TEAD4: variants seen among roughly 807,000 people sequenced by gnomAD.
TEAD4 encodes transcriptional enhancer factor TEF-3.
In TEAD4, 36 loss-of-function variants were observed where a neutral mutation model predicts 52.4. The observed-to-expected ratio is 0.69, with a 90% confidence interval of 0.53 to 0.91. TEAD4 has a LOEUF of 0.91. TEAD4 is among the 40% of genes least tolerant of loss of function. The pLI is 0.00. For synonymous variants in TEAD4, 220 were observed against 231.0 expected, an observed-to-expected ratio of 0.95 and a Z score of 0.43; for missense variants, 508 against 583.9, an observed-to-expected ratio of 0.87 and a Z score of 1.34.
Position 2,970,272 on chromosome 12 carries a change from C to T in TEAD4, c.-30+10232C>T, listed in dbSNP as rs949037602. Among the ~76,000 whole-genome samples the T allele has an allele frequency of 2.0e-5, 3 of 152,218 alleles. No homozygotes were observed. In the South Asian group the frequency reaches 6.2e-4, roughly 31 times the overall value. On this transcript the variant is annotated intron_variant, in intron 2 of 12. Transcript: ENST00000359864. ...TTGGACTAACAACGTTTCTTGTGTT[C>T]AGTAACCACGTGGGGCGAGTGGTCG...
chr12:3,028,692 G>A (rs551106522), intron 10 of TEAD4, among the ~76,000 whole-genome samples: 13 of 152,000 alleles, frequency 8.6e-5, no homozygotes, highest in African/African-American at 3.1e-4. Context: ...GTACAGCGGC[G>A]TAATTTTGGC....
chr12:3,005,041 A>C (rs1335340416), intron 3 of TEAD4, among the ~76,000 whole-genome samples: 1 of 152,268 alleles, frequency 6.6e-6, no homozygotes, highest in Non-Finnish European at 1.5e-5. Flanking sequence ...GAAGCTCCAC[A>C]GACAGCCAGG....
chr12:3,017,480 G>GT lies in TEAD4; in HGVS notation c.438dup (p.Ser147Ter), dbSNP rs781639455. On this transcript the variant is annotated frameshift_variant, in exon 6 of 13. Coordinates refer to ENST00000359864, the MANE Select transcript of TEAD4 (RefSeq NM_003213.4). LOFTEE classifies it high-confidence loss of function. Reference sequence around the variant, plus strand: ...ATCATCTCCGCCACGGCCTTCCACAGTAGCATGGCCCTCGCCCGGGGCCCC... The same window carrying GT: ...ATCATCTCCGCCACGGCCTTCCACAGTTAGCATGGCCCTCGCCCGGGGCCCC... 6.2e-7 allele frequency: 1 copy of GT among 1,614,160 alleles called. No homozygotes were observed.
chr12:2,983,033 C>G (rs749655100), intron 2 of TEAD4, among the ~76,000 whole-genome samples: 1 of 152,136 alleles, frequency 6.6e-6, no homozygotes, highest in Non-Finnish European at 1.5e-5. Context: ...TGGCGGCCCT[C>G]CTTTCCGTCT....
intron 2 of TEAD4, among the ~76,000 whole-genome samples, chr12:2,984,985 C>T (rs978224032): frequency 6.6e-6 from 1 of 152,136 alleles, no homozygotes; most frequent in Non-Finnish European, 1.5e-5. Flanking sequence ...AAAACAGATA[C>T]TTAGGCTACG....
intron 10 of TEAD4, among the ~76,000 whole-genome samples, chr12:3,029,281 A>G (rs1048866605): frequency 8.0e-6 from 1 of 124,602 alleles, no homozygotes; most frequent in Admixed American, 1.1e-4. Flanking sequence ...TCTGTCACCC[A>G]GGCCGGAGTG....
intron 6 of TEAD4, among the ~76,000 whole-genome samples, chr12:3,018,281 G>A (rs550851827): frequency 6.6e-6 from 1 of 152,230 alleles, no homozygotes. Context: ...TCTGCACTGT[G>A]ACTCTGCAGG....
chr12:3,016,015 T>C lies in TEAD4; in HGVS notation c.355-1383T>C, dbSNP rs61433544. On this transcript the variant is annotated intron_variant, in intron 5 of 12. Coordinates refer to ENST00000359864, the MANE Select transcript of TEAD4 (RefSeq NM_003213.4). ...AATGAGATGCTGTCTGAAAAAATAATAATCATCATAAAGATATTTATTTAT... is the reference window on the plus strand; with the variant it reads ...AATGAGATGCTGTCTGAAAAAATAACAATCATCATAAAGATATTTATTTAT... Among the ~76,000 whole-genome samples, 1,217 of 151,880 alleles carry C rather than the reference T, an allele frequency of 8.0e-3. 11 individuals are homozygous for C. The highest frequency in any genetic ancestry group is 0.028 in the African/African-American group (1,174 of 41,400).
At chr12:3,018,366 C>T (rs2098266086) in intron 6 of TEAD4, among the ~76,000 whole-genome samples, 179 bp from the exon 7 acceptor site, 1 of 152,118 alleles carries the variant, frequency 6.6e-6, no homozygotes, top group African/African-American at 2.4e-5. Flanking sequence ...CCTGAGAGCC[C>T]CCTGAAACTC....
intron 6 of TEAD4, 141 bp downstream of exon 6, chr12:3,017,667 ACAAGGACC>A: frequency 8.0e-7 from 1 of 1,255,702 alleles, no homozygotes; most frequent in Non-Finnish European, 1.1e-6. Flanking sequence ...GAAGGAGGGA[ACAAGGACC>A]CAAGGGCCAC....
chr12:2,967,431 C>T (rs374340136), intron 2 of TEAD4, among the ~76,000 whole-genome samples: 12 of 152,232 alleles, frequency 7.9e-5, no homozygotes, highest in African/African-American at 2.6e-4. Context: ...TTTAACTATG[C>T]CCTACTGACT....
In TEAD4 at chr12:3,040,120, G is replaced by T. The variant is rs746321600; in HGVS notation, c.1052G>T (p.Arg351Leu). Residue 351 changes from arginine to leucine, a missense_variant, in exon 12 of 13, where the codon CGC becomes CTC. By Grantham distance (102) the Arg-to-Leu change is moderately radical. Coordinates refer to ENST00000359864, the MANE Select transcript of TEAD4 (RefSeq NM_003213.4). Reference sequence around the variant, plus strand: ...CGGGTCCTGCAGACAGAGTATGCTCGCTATGAGAATGGACACTACTCTTAC... The same window carrying T: ...CGGGTCCTGCAGACAGAGTATGCTCTCTATGAGAATGGACACTACTCTTAC... 3 of 1,614,038 alleles carry T rather than the reference G, an allele frequency of 1.9e-6. No individual in the cohort carries two copies. Among genetic ancestry groups the T allele is most frequent in the African/African-American group, 2.7e-5 (2 of 74,908 alleles).
intron 5 of TEAD4, among the ~76,000 whole-genome samples, chr12:3,015,266 C>T (rs866637208): frequency 6.6e-6 from 1 of 152,336 alleles, no homozygotes; most frequent in Middle Eastern, 3.4e-3. Context: ...CCCCGTGTGC[C>T]AGTCTGGTCC....
chr12:3,010,029 G>A (rs1231889004), intron 3 of TEAD4, among the ~76,000 whole-genome samples: 3 of 152,220 alleles, frequency 2.0e-5, no homozygotes, highest in Admixed American at 6.5e-5. Context: ...AGCACAGGGC[G>A]GGCTGGCACC....
chr12:3,017,120 C>T, intron 5 of TEAD4: 1 of 583,828 alleles, frequency 1.7e-6, no homozygotes, highest in South Asian at 1.5e-5. Flanking sequence ...GAAGGTGGCC[C>T]CGTAATTAAT....
intron 2 of TEAD4, chr12:2,960,301 C>A: frequency 1.0e-6 from 1 of 985,544 alleles, no homozygotes; most frequent in Admixed American, 6.1e-5. Flanking sequence ...ACCCAGCACC[C>A]ATGCCTCTTT....
rs989537357 is a variant in TEAD4 at position 3,019,138 on chromosome 12, C to T, written c.551C>T (p.Thr184Ile). ...AGTGTGAAGCCTTTCTCTCAGCAAA[C>T]CTATGCTGTCCAGCCTCCGCTGCCT... The change falls in exon 8 of 13, where the codon ACC (threonine) becomes ATC (isoleucine). Residue 184 changes from threonine to isoleucine, a missense_variant. By Grantham distance (89) the Thr-to-Ile change is moderately conservative. Transcript: ENST00000359864. 1.2e-5 allele frequency: 20 copies of T among 1,613,976 alleles called. No individual in the cohort carries two copies. The highest frequency in any genetic ancestry group is 1.6e-4 in the Middle Eastern group (1 of 6,080).
chr12:2,984,454 GA>G (rs1215471906), intron 2 of TEAD4, among the ~76,000 whole-genome samples: 1 of 152,136 alleles, frequency 6.6e-6, no homozygotes, highest in Non-Finnish European at 1.5e-5. Flanking sequence ...GTAGGCGACA[GA>G]AAGACAGGAT....
At chr12:2,968,083 CTTTTTTTT>C (rs34430154) in intron 2 of TEAD4, among the ~76,000 whole-genome samples, 8 of 112,014 alleles carry the variant, frequency 7.1e-5, no homozygotes, top group African/African-American at 2.1e-4. Flanking sequence ...ACATGTGGGT[CTTTTTTTT>C]TTTTTTTTTT....
Sources: allele counts gnomAD v4.1 joint callset (sites outside exome capture counted in the v4.1 genomes callset), GRCh38; gene constraint gnomAD v4.1.1; transcripts MANE v1.5; gene names NCBI Gene and HGNC (gene_info 2026-07-23, HGNC 2026-07-21).